The following RASAL1 variants were observed in gnomAD, a reference collection of about 807,000 sequenced individuals.
RASAL1 encodes RAS protein activator like 1, also known as rasGAP-activating-like protein 1.
A neutral mutation model predicts 96.6 loss-of-function variants in RASAL1; 72 were observed. That is an observed-to-expected ratio of 0.75 (90% CI 0.62 to 0.91). RASAL1 has a LOEUF of 0.91. Among genes scored for constraint, RASAL1 ranks in the 40% least tolerant of loss-of-function variants. The probability of loss-of-function intolerance (pLI) is 0.00; values close to 1 mark genes in which losing one functional copy is unlikely to be tolerated. For missense variants in RASAL1, 1,016 were observed against 1,072.5 expected, an observed-to-expected ratio of 0.95 and a Z score of 0.74; for synonymous variants, 405 against 430.4, an observed-to-expected ratio of 0.94 and a Z score of 0.73.
rs2136106405 is a variant in RASAL1 at position 113,104,312 on chromosome 12, T to C, written c.1831-14A>G. ...GGAGTGACACATCTGGGGAAGAGGATTGTCGCTGCAGGATGGGCTGGGGGC... is the reference window on the plus strand; with the variant it reads ...GGAGTGACACATCTGGGGAAGAGGACTGTCGCTGCAGGATGGGCTGGGGGC... On this transcript the variant is annotated splice_polypyrimidine_tract_variant and intron_variant, in intron 16 of 20. Coordinates refer to ENST00000548055, the MANE Select transcript of RASAL1 (RefSeq NM_001301202.2). 4.5e-6 allele frequency: 7 copies of C among 1,550,954 alleles called. No homozygotes were observed. The highest frequency in any genetic ancestry group is 5.2e-6 in the Non-Finnish European group (6 of 1,145,598).
chr12:113,104,022 C>T lies in RASAL1; in HGVS notation c.2028G>A (p.Pro676=), dbSNP rs1950555656. The change falls in exon 18 of 21, where the codon CCG becomes CCA. Residue 676 remains proline, a synonymous_variant. Coordinates refer to ENST00000548055, the MANE Select transcript of RASAL1 (RefSeq NM_001301202.2). ...CGGGGTGGCAGGCGGCCAGCTTGTT[C>T]GGGTTGGGGGCGCTGGCCTTGCGCA... ...SALRKASAPN[P]NKLAACHPGA... The T allele has an allele frequency of 7.1e-7, 1 of 1,398,608 alleles. No homozygotes were observed. Among genetic ancestry groups the T allele is most frequent in the Non-Finnish European group, 9.5e-7 (1 of 1,049,342 alleles). The allele number at this position is 1,398,608 out of a possible 1,614,324, so 86.6% of individuals were successfully genotyped here. A position where few individuals can be genotyped will look rare whatever the true frequency, so the allele number is the denominator to read the frequency against.
At chr12:113,111,446 C>CGT (rs1183355695) in intron 13 of RASAL1, among the ~76,000 whole-genome samples, 1 of 152,086 alleles carries the variant, frequency 6.6e-6, no homozygotes, top group Non-Finnish European at 1.5e-5. Context: ...TTTCCTCCTC[C>CGT]GTAAAATGGG....
intron 1 of RASAL1, among the ~76,000 whole-genome samples, chr12:113,134,275 C>T (rs765940614): frequency 3.3e-5 from 5 of 152,198 alleles, no homozygotes; most frequent in Non-Finnish European, 5.9e-5. Flanking sequence ...GCCCCCTTGA[C>T]GCAGCTGCAG....
intron 7 of RASAL1, among the ~76,000 whole-genome samples, chr12:113,117,813 G>A (rs1419531045): frequency 6.6e-6 from 1 of 152,192 alleles, no homozygotes. Context: ...GGAATCATAT[G>A]TGTTTTGCAG....
intron 18 of RASAL1, 85 bp from the exon 19 acceptor site, chr12:113,102,094 C>T: frequency 6.6e-7 from 1 of 1,509,856 alleles, no homozygotes; most frequent in Non-Finnish European, 9.0e-7. Context: ...AGCCGTGCTC[C>T]TTCTTCCTGT....
Position 113,119,120 on chromosome 12 carries a change from A to G in RASAL1, c.642+8T>C, listed in dbSNP as rs904599994. On this transcript the variant is annotated splice_region_variant and intron_variant, in intron 7 of 20. Transcript: ENST00000548055. ...GCCATGGAGGGTATTGTAGGGAATG[A>G]GGCTCACCATGCCCAAGAAGTCATT... The G allele has an allele frequency of 6.9e-6, 11 of 1,598,418 alleles. No homozygotes were observed. The highest frequency in any genetic ancestry group is 1.7e-5 in the Admixed American group (1 of 59,128).
chr12:113,121,375 C>T (rs1951287638), intron 5 of RASAL1, 134 bp downstream of exon 5: 2 of 1,427,426 alleles, frequency 1.4e-6, no homozygotes, highest in African/African-American at 2.9e-5. Context: ...TGTTTGTCCA[C>T]ACAGGGAACC....
intron 4 of RASAL1, 48 bp from the exon 5 acceptor site, chr12:113,121,686 G>A: frequency 6.3e-7 from 1 of 1,587,996 alleles, no homozygotes; most frequent in Non-Finnish European, 8.6e-7. Flanking sequence ...CCATGTACTG[G>A]GCATTGTGTT....
chr12:113,115,858 C>A lies in RASAL1; in HGVS notation c.850-70G>T, dbSNP rs56174199. 60 of 1,593,236 alleles carry A rather than the reference C, an allele frequency of 3.8e-5. No homozygotes were observed. The highest frequency in any genetic ancestry group is 4.5e-5 in the Non-Finnish European group (52 of 1,167,080). On this transcript the variant is annotated intron_variant, in intron 9 of 20. Transcript: ENST00000548055. This position sits in a 1 kb window ranked among gnomAD's most constrained non-coding sequence, Gnocchi z 4.1. The stretch of plus-strand genomic sequence containing the variant: ...CCAAAGCAGATGGGCCTAGATAGGG[C>A]TCCGTGAGGCAGGGGGAGGCCAGGA...
intron 4 of RASAL1, among the ~76,000 whole-genome samples, chr12:113,123,626 C>T (rs551353818): frequency 6.6e-6 from 1 of 152,308 alleles, no homozygotes; most frequent in African/African-American, 2.4e-5. Context: ...CTCTGTCACC[C>T]AGGCTGGAGT....
rs1951624927 is a variant in RASAL1, at chr12:113,129,558, C to T, written c.122+1327G>A. ...CAGCATCTCTGCCCTGACATCCCTG[C>T]AGGGGTACTTCCCTTTACCCAGCAG... is the stretch of plus-strand genomic sequence containing the variant. On this transcript the variant is annotated intron_variant, in intron 2 of 20. Transcript: ENST00000548055. This position sits in a 1 kb window ranked among gnomAD's most constrained non-coding sequence, Gnocchi z 5.0. Among the ~76,000 whole-genome samples, 4 of 152,308 alleles carry T rather than the reference C, an allele frequency of 2.6e-5. No individual in the cohort carries two copies. In the South Asian group the frequency reaches 8.3e-4, roughly 32 times the overall value.
At chr12:113,136,116 G>A (rs1173972118), upstream of RASAL1, 1 of 152,504 alleles carries the variant, frequency 6.6e-6, no homozygotes, top group African/African-American at 2.4e-5. Context: ...CCAGGAGCAA[G>A]TATTAGTGGT....
In RASAL1 at chr12:113,115,233, G is replaced by T. The variant is rs1033595220; in HGVS notation, c.1035C>A (p.Ser345=). 6.2e-7 allele frequency: 1 copy of T among 1,613,894 alleles called. No individual in the cohort carries two copies. The highest frequency in any genetic ancestry group is 1.3e-5 in the African/African-American group (1 of 74,926). The change falls in exon 11 of 21, where the codon TCC becomes TCA. Residue 345 remains serine (S), a synonymous_variant. Transcript: ENST00000548055. This position sits in a 1 kb window ranked among gnomAD's most constrained non-coding sequence, Gnocchi z 4.1. ...MDPNTLFRSN[S]LASKSMEQFM... is the part of the protein sequence containing the mutation. Reference sequence around the variant, plus strand: ...ACTGTTCCATCGACTTGGATGCCAGGGAGTTAGAACGGAAGAGGGTGTTGG... The same window carrying T: ...ACTGTTCCATCGACTTGGATGCCAGTGAGTTAGAACGGAAGAGGGTGTTGG...
chr12:113,122,707 A>G (rs1951343107), intron 4 of RASAL1, among the ~76,000 whole-genome samples: 1 of 152,202 alleles, frequency 6.6e-6, no homozygotes, highest in Non-Finnish European at 1.5e-5. Context: ...AGATTTTTTA[A>G]AATCCTGCTG....
Position 113,119,416 on chromosome 12 carries a change from G to C in RASAL1, c.456C>G (p.Gly152=), listed in dbSNP as rs201691381. The C allele has an allele frequency of 5.0e-6, 8 of 1,608,724 alleles. No homozygotes were observed. In the East Asian group the frequency reaches 1.8e-4, roughly 36 times the overall value. ...ACACACGTGCAAATGGGTCAGATGT[G>C]CCAGAGATGTCTCTGGGAGCCAGGT... ...ARDLAPRDIS[G]TSDPFARVFW... is the part of the protein sequence containing the mutation. The change falls in exon 6 of 21, where the codon GGC becomes GGG. Residue 152 remains glycine, a synonymous_variant. Transcript: ENST00000548055.
intron 2 of RASAL1, 67 bp from the exon 3 acceptor site, chr12:113,128,245 GACACACACACACAC>G (rs4007310): frequency 3.7e-5 from 21 of 566,730 alleles, no homozygotes; most frequent in African/African-American, 1.0e-4. Context: ...TGGAGACCCA[GACACACACACACAC>G]ACACACACAC....
intron 4 of RASAL1, among the ~76,000 whole-genome samples, chr12:113,125,568 T>C (rs1164768325): frequency 2.0e-5 from 3 of 152,186 alleles, no homozygotes; most frequent in Non-Finnish European, 4.4e-5. Flanking sequence ...AGATACACGA[T>C]CAAAAAGTTT....
intron 1 of RASAL1, among the ~76,000 whole-genome samples, chr12:113,133,894 T>C (rs1346155702): frequency 6.6e-6 from 1 of 152,132 alleles, no homozygotes; most frequent in Non-Finnish European, 1.5e-5. Flanking sequence ...ATGACTCAAG[T>C]CCCTTCTCCA....
chr12:113,131,968 CTTTTTTT>C (rs34936583), intron 1 of RASAL1, among the ~76,000 whole-genome samples: 1 of 118,716 alleles, frequency 8.4e-6, no homozygotes, highest in Non-Finnish European at 1.8e-5. Context: ...TCTTCTTCTT[CTTTTTTT>C]TTTTTTTTTT....
Sources: gnomAD v4.1 joint callset for allele counts (sites outside exome capture counted in the v4.1 genomes callset) on GRCh38, gnomAD v4.1.1 for gene constraint, Gnocchi (gnomAD v3.1) non-coding constraint, MANE v1.5 for transcripts, NCBI Gene and HGNC (gene_info 2026-07-23, HGNC 2026-07-21) for gene names.